The following STAU2 variants were observed in gnomAD, a reference collection of about 807,000 sequenced individuals.
STAU2 encodes the protein double-stranded RNA-binding protein Staufen homolog 2.
In STAU2, 20 loss-of-function variants were observed where a neutral mutation model predicts 65.9. The observed-to-expected ratio is 0.30, with a 90% CI of 0.21 to 0.44. The LOEUF (loss-of-function observed/expected upper bound fraction) is 0.44. Among genes scored for constraint, STAU2 ranks in the 20% least tolerant of loss-of-function variants. STAU2 has a pLI of 1.00. For missense variants in STAU2, 558 were observed against 683.9 expected, an observed-to-expected ratio of 0.82 and a Z score of 2.05; for synonymous variants, 232 against 233.9, an observed-to-expected ratio of 0.99 and a Z score of 0.07.
chr8:73,625,577 G>T (rs1813577822), intron 6 of STAU2, among the ~76,000 whole-genome samples: 1 of 152,300 alleles, frequency 6.6e-6, no homozygotes, highest in South Asian at 2.1e-4. Flanking sequence ...ACTGTTAACA[G>T]GTATGGGGTT....
intron 13 of STAU2, among the ~76,000 whole-genome samples, chr8:73,477,042 C>A (rs939480466): frequency 1.3e-5 from 2 of 152,176 alleles, no homozygotes; most frequent in African/African-American, 2.4e-5. Flanking sequence ...TCCACGTGAA[C>A]AGCAGGATAA....
intron 13 of STAU2, among the ~76,000 whole-genome samples, chr8:73,495,492 T>C (rs1821360149): frequency 6.6e-6 from 1 of 151,332 alleles, no homozygotes; most frequent in African/African-American, 2.4e-5. Flanking sequence ...CTAAATGACT[T>C]AATTCTTTAT....
intron 6 of STAU2, among the ~76,000 whole-genome samples, chr8:73,671,896 G>A (rs192774610): frequency 2.0e-5 from 3 of 151,990 alleles, no homozygotes; most frequent in South Asian, 2.1e-4. Context: ...ATGGTGGCAG[G>A]TGCCTGTAAT....
At chr8:73,478,857 G>C (rs1231336738) in intron 13 of STAU2, among the ~76,000 whole-genome samples, 2 of 152,124 alleles carry the variant, frequency 1.3e-5, no homozygotes, top group Non-Finnish European at 2.9e-5. Context: ...TGGATAAATA[G>C]ATTAGATAGA....
intron 12 of STAU2, among the ~76,000 whole-genome samples, chr8:73,559,811 T>C (rs1808064072): frequency 6.6e-6 from 1 of 152,262 alleles, no homozygotes; most frequent in South Asian, 2.1e-4. Flanking sequence ...TCACTGCAAA[T>C]CTGGTCTTCC....
chr8:73,643,403 T>G (rs982093572), intron 6 of STAU2, among the ~76,000 whole-genome samples: 1 of 152,164 alleles, frequency 6.6e-6, no homozygotes, highest in Non-Finnish European at 1.5e-5. Context: ...GAGTTCACAT[T>G]CCTATGGGGG....
intron 12 of STAU2, among the ~76,000 whole-genome samples, chr8:73,580,855 T>G (rs1001024458): frequency 8.5e-5 from 13 of 152,334 alleles, no homozygotes; most frequent in Middle Eastern, 3.4e-3. Flanking sequence ...AGCAGCTTTC[T>G]CACCTCCTTA....
chr8:73,738,190 T>C, intron 3 of STAU2, 94 bp downstream of exon 3: 1 of 1,126,938 alleles, frequency 8.9e-7, no homozygotes, highest in African/African-American at 1.5e-5. Context: ...TGAGTCAGGT[T>C]ACAGTTATAG....
chr8:73,639,863 A>G (rs1563475315), intron 6 of STAU2, among the ~76,000 whole-genome samples: 1 of 152,142 alleles, frequency 6.6e-6, no homozygotes, highest in Non-Finnish European at 1.5e-5. Flanking sequence ...AATAAAAGCT[A>G]TCAAATAGAA....
At chr8:73,740,928 C>T (rs1474856188) in intron 1 of STAU2, among the ~76,000 whole-genome samples, 1 of 149,984 alleles carries the variant, frequency 6.7e-6, no homozygotes, top group Non-Finnish European at 1.5e-5. Flanking sequence ...ATGCTTGAAC[C>T]CAGGAGGCCA....
chr8:73,564,509 GGGTGGAA>G (rs1241062252), intron 12 of STAU2, among the ~76,000 whole-genome samples: 10 of 152,050 alleles, frequency 6.6e-5, no homozygotes, highest in African/African-American at 2.4e-4. Flanking sequence ...GGAGGGTGGA[GGGTGGAA>G]GGTGGAAGGA....
intron 13 of STAU2, among the ~76,000 whole-genome samples, chr8:73,448,881 G>A (rs1305606500): frequency 1.3e-5 from 2 of 152,242 alleles, no homozygotes; most frequent in Admixed American, 1.3e-4. Flanking sequence ...GGGCGCTAGG[G>A]GCCAGTGCTC....
At position 73,664,842 on chromosome 8, in the gene STAU2, A is replaced by C. The variant is rs1006391850; in HGVS notation, c.410+8265T>G. On this transcript the variant is annotated intron_variant, in intron 6 of 14. Transcript: ENST00000524300. ...CCTGTCTCTACCAAAAATGCAAAAAATTAGCCAGGTGTGGTGGCATGCGCC... is the reference window on the plus strand; with the variant it reads ...CCTGTCTCTACCAAAAATGCAAAAACTTAGCCAGGTGTGGTGGCATGCGCC... Among the ~76,000 whole-genome samples, 5 of 152,168 alleles carry C rather than the reference A, an allele frequency of 3.3e-5. No individual in the cohort carries two copies. The East Asian group carries it at 9.6e-4, about 29-fold the overall frequency.
intron 6 of STAU2, among the ~76,000 whole-genome samples, chr8:73,658,142 T>C (rs1816524767): frequency 6.6e-6 from 1 of 152,062 alleles, no homozygotes; most frequent in Non-Finnish European, 1.5e-5. Context: ...GGTGGGCGAA[T>C]CACCTGAGGT....
chr8:73,605,218 G>T (rs1586103903), intron 9 of STAU2, among the ~76,000 whole-genome samples: 1 of 150,082 alleles, frequency 6.7e-6, no homozygotes, highest in East Asian at 2.0e-4. Flanking sequence ...CTGAAATTAA[G>T]ATCTAAATAG....
At chr8:73,451,351 G>A (rs954020514) in intron 13 of STAU2, among the ~76,000 whole-genome samples, 3 of 152,048 alleles carry the variant, frequency 2.0e-5, no homozygotes, top group Non-Finnish European at 4.4e-5. Flanking sequence ...CAGTTCTCAG[G>A]ACTGGACAAG....
chr8:73,424,807 C>T (rs1433882835), intron 13 of STAU2, among the ~76,000 whole-genome samples: 1 of 151,584 alleles, frequency 6.6e-6, no homozygotes, highest in African/African-American at 2.4e-5. Context: ...CTTTAGATTA[C>T]TCCTTCCTTT....
At chr8:73,687,337 T>TTTATATTTATAAATATAAATATAAA in intron 5 of STAU2, among the ~76,000 whole-genome samples, 1 of 100,888 alleles carries the variant, frequency 9.9e-6, no homozygotes, top group Admixed American at 1.2e-4. Context: ...ATAAATATAA[T>TTTATATTTATAAATATAAATATAAA]TTATATTTAT....
chr8:73,685,225 C>T (rs923213820), intron 5 of STAU2, among the ~76,000 whole-genome samples: 2 of 152,098 alleles, frequency 1.3e-5, no homozygotes, highest in Admixed American at 1.3e-4. Context: ...AAACTTCCTC[C>T]TTTCCTTCAT....
Sources: gnomAD v4.1 joint callset for allele counts (sites outside exome capture counted in the v4.1 genomes callset) on GRCh38, gnomAD v4.1.1 for gene constraint, MANE v1.5 for transcripts, NCBI Gene and HGNC (gene_info 2026-07-23, HGNC 2026-07-21) for gene names.